The following RP1 variants were observed in gnomAD, a reference collection of about 807,000 sequenced individuals.
RP1 encodes the protein RP1 axonemal microtubule associated.
Under a neutral mutation model 14.8 loss-of-function variants are expected in RP1, and 16 were observed. The observed-to-expected ratio is 1.08, with a 90% CI of 0.73 to 1.65. The LOEUF is 1.65. RP1 is among the 40% of genes most tolerant of loss of function. The pLI is 0.00. For missense variants in RP1, 2,631 were observed against 2,535.0 expected (o/e 1.04, Z -0.81); for synonymous variants, 876 against 883.6 (o/e 0.99, Z 0.15).
At chr8:54,599,072 C>T (rs939524788) in intron 1 of RP1, among the ~76,000 whole-genome samples, 1 of 152,146 alleles carries the variant, frequency 6.6e-6, no homozygotes, top group Non-Finnish European at 1.5e-5. Context: ...CTGCTTCCTC[C>T]TCTCCTTCTG....
At chr8:54,854,726 G>A (rs112090176) in intron 26 of RP1, among the ~76,000 whole-genome samples, 7,560 of 152,110 alleles carry the variant, frequency 0.05, 281 homozygotes, top group African/African-American at 0.1. Context: ...TTAGCCGGGC[G>A]TGGCGGCAGG....
At chr8:54,773,651 C>A (rs564065046), downstream of RP1, among the ~76,000 whole-genome samples, 38 of 152,186 alleles carry the variant, frequency 2.5e-4, no homozygotes, top group Admixed American at 9.8e-4. Context: ...AACTAACTAA[C>A]TAAATAAAAT....
At chr8:54,599,196 AC>A (rs1805215762) in intron 1 of RP1, among the ~76,000 whole-genome samples, 1 of 152,006 alleles carries the variant, frequency 6.6e-6, no homozygotes, top group African/African-American at 2.4e-5. Context: ...CTTCAAGATA[AC>A]TATATAATTA....
chr8:54,755,622 T>C (rs1254858368), exon 21 of RP1: 1 of 1,535,702 alleles, frequency 6.5e-7, no homozygotes, highest in Admixed American at 2.0e-5. Flanking sequence ...TTGCCAGTAG[T>C]GAGATACCAG....
In RP1 at chr8:54,625,176, A is replaced by G. The variant is rs763287594; in HGVS notation, c.1294A>G (p.Thr432Ala). 3.1e-6 allele frequency: 5 copies of G among 1,614,204 alleles called. No individual in the cohort carries two copies. The highest frequency in any genetic ancestry group is 1.1e-5 in the South Asian group (1 of 91,082). The change falls in exon 4 of 4, where the codon ACA becomes GCA. Residue 432 changes from threonine to alanine, a missense_variant. By Grantham distance (58) the Thr-to-Ala change is moderately conservative. Coordinates refer to ENST00000220676, the MANE Select transcript of RP1 (RefSeq NM_006269.2). ...SASWENATVD[T>A]DIIQGTQDQA... ...TAGTTGGGAGAATGCTACTGTGGACACAGATATCATCCAGGGAACTCAAGA... is the reference window on the plus strand; with the variant it reads ...TAGTTGGGAGAATGCTACTGTGGACGCAGATATCATCCAGGGAACTCAAGA...
intron 22 of RP1, among the ~76,000 whole-genome samples, chr8:54,764,946 A>G (rs1245226883): frequency 6.6e-6 from 1 of 151,520 alleles, no homozygotes; most frequent in Non-Finnish European, 1.5e-5. Flanking sequence ...ACTGGTATAG[A>G]TTTTTAAGCA....
intron 8 of RP1, chr8:54,673,968 C>T (rs1807237498): frequency 2.1e-6 from 3 of 1,431,518 alleles, no homozygotes; most frequent in South Asian, 1.2e-5. Flanking sequence ...GGTCTGATTC[C>T]ATTCTGTTTA....
At chr8:54,748,418 A>G (rs919879113) in intron 19 of RP1, among the ~76,000 whole-genome samples, 1 of 152,210 alleles carries the variant, frequency 6.6e-6, no homozygotes, top group Non-Finnish European at 1.5e-5. Flanking sequence ...TTATAGAAAC[A>G]TTCTCAAAGT....
chr8:54,582,030 G>C (rs1718158058), intron 1 of RP1, among the ~76,000 whole-genome samples: 1 of 152,122 alleles, frequency 6.6e-6, no homozygotes, highest in Admixed American at 6.5e-5. Context: ...GTCAATTTTG[G>C]CTTTTGTTGC....
rs374965881 is a variant in RP1, at chr8:54,626,314, A to G, written c.2432A>G (p.Lys811Arg). ...VFPHNESKYC[K>R]STFENKSLFH... ...CCTCACAATGAATCTAAATATTGCA[A>G]AAGTACTTTTGAAAACAAAAGTTTA... The change falls in exon 4 of 4, where the codon AAA (lysine) becomes AGA (arginine). Residue 811 changes from lysine (K) to arginine (R), a missense_variant. Lys to Arg is a conservative substitution (Grantham distance 26). Transcript: ENST00000220676. The G allele has an allele frequency of 8.7e-6, 14 of 1,613,572 alleles. No homozygotes were observed. The highest frequency in any genetic ancestry group is 1.0e-5 in the Non-Finnish European group (12 of 1,179,752).
chr8:54,789,109 TG>T (rs1810399692), intron 24 of RP1, among the ~76,000 whole-genome samples: 1 of 152,160 alleles, frequency 6.6e-6, no homozygotes, highest in Admixed American at 6.5e-5. Flanking sequence ...CTAGATTCTA[TG>T]GGGTCAGCCA....
At chr8:54,808,015 T>C (rs1340440171) in intron 24 of RP1, among the ~76,000 whole-genome samples, 1 of 151,816 alleles carries the variant, frequency 6.6e-6, no homozygotes, top group Non-Finnish European at 1.5e-5. Context: ...ACACTTAGAA[T>C]ACTGTTTGAC....
chr8:54,728,252 C>T (rs1177704549), intron 17 of RP1, among the ~76,000 whole-genome samples: 1 of 152,042 alleles, frequency 6.6e-6, no homozygotes, highest in Non-Finnish European at 1.5e-5. Flanking sequence ...GATCATGATT[C>T]CCTTTAGTTG....
intron 15 of RP1, among the ~76,000 whole-genome samples, chr8:54,714,150 T>G (rs1327826796): frequency 6.6e-6 from 1 of 152,202 alleles, no homozygotes; most frequent in Non-Finnish European, 1.5e-5. Context: ...GGTCTCAAAC[T>G]GCTGATCTCA....
At chr8:54,757,465 A>G (rs1809537433) in intron 21 of RP1, among the ~76,000 whole-genome samples, 1 of 152,220 alleles carries the variant, frequency 6.6e-6, no homozygotes, top group Admixed American at 6.5e-5. Flanking sequence ...CTGGGAGATA[A>G]TCCCAGTAAG....
chr8:54,732,399 A>C (rs141549452), intron 17 of RP1, among the ~76,000 whole-genome samples: 1 of 152,246 alleles, frequency 6.6e-6, no homozygotes, highest in East Asian at 1.9e-4. Flanking sequence ...TGTTTTCACC[A>C]CTGGATAGCA....
At chr8:54,794,082 A>T (rs1169781174) in intron 24 of RP1, among the ~76,000 whole-genome samples, 3 of 152,012 alleles carry the variant, frequency 2.0e-5, no homozygotes, top group East Asian at 3.8e-4. Flanking sequence ...AAACGGAAAG[A>T]TATTCCATGT....
intron 5 of RP1, chr8:54,655,983 A>G (rs1806746616): frequency 1.3e-6 from 1 of 761,640 alleles, no homozygotes; most frequent in East Asian, 3.1e-5. Flanking sequence ...TCATATTAAA[A>G]ATAATTCTCT....
intron 27 of RP1, among the ~76,000 whole-genome samples, chr8:54,858,877 G>GAGC (rs1812269393): frequency 6.6e-6 from 1 of 152,116 alleles, no homozygotes. Flanking sequence ...TGTCACTGCA[G>GAGC]AGTGATGTTA....
Sources: allele counts gnomAD v4.1 joint callset (sites outside exome capture counted in the v4.1 genomes callset), GRCh38; gene constraint gnomAD v4.1.1; transcripts MANE v1.5; gene names NCBI Gene and HGNC (gene_info 2026-07-23, HGNC 2026-07-21).